The following SLC25A48 variants were observed in gnomAD, a reference collection of about 807,000 sequenced individuals.
SLC25A48 encodes the protein CTC-321K16.1.
A neutral mutation model predicts 32.2 loss-of-function variants in SLC25A48; 29 were observed. The ratio of observed to expected loss-of-function variants is 0.90; its 90% CI spans 0.67 to 1.23. The LOEUF is 1.23. Among genes scored for constraint, SLC25A48 ranks in the 50% most tolerant of loss-of-function variants. SLC25A48 has a pLI of 0.00. For missense variants in SLC25A48, 399 were observed against 422.7 expected, an observed-to-expected ratio of 0.94 and a Z score of 0.49; for synonymous variants, 164 against 172.3, an observed-to-expected ratio of 0.95 and a Z score of 0.38.
intron 4 of SLC25A48, among the ~76,000 whole-genome samples, chr5:135,870,417 CA>C (rs1761543673): frequency 6.6e-6 from 1 of 152,162 alleles, no homozygotes; most frequent in Admixed American, 6.5e-5. Flanking sequence ...AGACAAGCAT[CA>C]GAGTGGGAGA....
intron 3 of SLC25A48, among the ~76,000 whole-genome samples, chr5:135,792,714 G>A (rs1311243432): frequency 6.6e-6 from 1 of 151,576 alleles, no homozygotes; most frequent in Non-Finnish European, 1.5e-5. Context: ...AATACTATTT[G>A]TAATATCCTT....
chr5:135,579,949 GT>G (rs1751195956), intron 1 of SLC25A48, among the ~76,000 whole-genome samples: 1 of 152,206 alleles, frequency 6.6e-6, no homozygotes, highest in Non-Finnish European at 1.5e-5. Context: ...TTCATCATCT[GT>G]AAAGTGCAGA....
intron 1 of SLC25A48, among the ~76,000 whole-genome samples, chr5:135,620,723 G>A (rs1419882908): frequency 6.6e-6 from 1 of 152,082 alleles, no homozygotes; most frequent in African/African-American, 2.4e-5. Context: ...TCTTAAAATG[G>A]CATTGTGCTG....
At chr5:135,767,447 A>G (rs896052547) in intron 3 of SLC25A48, among the ~76,000 whole-genome samples, 18 of 151,884 alleles carry the variant, frequency 1.2e-4, no homozygotes, top group African/African-American at 4.1e-4. Flanking sequence ...AAAGGGTAAT[A>G]TTGCTTCTGA....
chr5:135,722,104 A>T (rs1304371984), intron 3 of SLC25A48, among the ~76,000 whole-genome samples: 1 of 152,262 alleles, frequency 6.6e-6, no homozygotes, highest in Non-Finnish European at 1.5e-5. Flanking sequence ...GTTGTCAACA[A>T]TATCAGCAGG....
In SLC25A48 at chr5:135,580,181, G is replaced by T. The variant is rs553164631; in HGVS notation, c.-849+584G>T. Among the ~76,000 whole-genome samples the T allele has an allele frequency of 1.8e-4, 28 of 152,292 alleles. No homozygotes were observed. In the South Asian group the frequency reaches 5.2e-3, roughly 28 times the overall value. Reference sequence around the variant, plus strand: ...TGAGAGAAGAAATAACTTGTCCAAGGTCACAGAGCTAGGAAGCAGGTGACT... The same window carrying T: ...TGAGAGAAGAAATAACTTGTCCAAGTTCACAGAGCTAGGAAGCAGGTGACT... On this transcript the variant is annotated intron_variant, in intron 1 of 10. Coordinates refer to the SLC25A48 transcript ENST00000646290.
At chr5:135,600,008 C>A (rs190008274) in intron 1 of SLC25A48, among the ~76,000 whole-genome samples, 5 of 152,256 alleles carry the variant, frequency 3.3e-5, no homozygotes, top group African/African-American at 9.6e-5. Context: ...TCTACATACT[C>A]CCCCCTCCCT....
intron 4 of SLC25A48, among the ~76,000 whole-genome samples, chr5:135,859,401 C>T (rs1236577214): frequency 6.6e-6 from 1 of 152,180 alleles, no homozygotes; most frequent in Admixed American, 6.5e-5. Flanking sequence ...CCCCATGATT[C>T]AATTACCTCC....
Position 135,850,474 on chromosome 5 carries a change from G to T in SLC25A48, c.140G>T (p.Arg47Leu), listed in dbSNP as rs373533677. The T allele has an allele frequency of 8.7e-5, 141 of 1,614,008 alleles. No individual in the cohort carries two copies. The highest frequency in any genetic ancestry group is 1.2e-4 in the Non-Finnish European group (139 of 1,180,036). The change falls in exon 3 of 8, where the codon CGC (arginine) becomes CTC (leucine). Residue 47 changes from arginine to leucine, a missense_variant. By Grantham distance (102) the Arg-to-Leu change is moderately radical. Coordinates refer to ENST00000681962, the MANE Select transcript of SLC25A48 (RefSeq NM_001349336.2). ...VGYGNTLSCI[R>L]VVYRRESMFG... ...TACGGAAACACCCTCAGCTGCATCCGCGTGGTGTACAGGAGGGAGAGTGTA... is the reference window on the plus strand; with the variant it reads ...TACGGAAACACCCTCAGCTGCATCCTCGTGGTGTACAGGAGGGAGAGTGTA...
rs368069756 is a variant in SLC25A48, at chr5:135,708,610, TC to T, written c.-521+73657del. 4.6e-3 allele frequency among the ~76,000 whole-genome samples: 700 copies of T among 152,284 alleles called. 8 individuals are homozygous for T. Among genetic ancestry groups the T allele is most frequent in the African/African-American group, 0.016 (665 of 41,548 alleles). ...CGGTCAGGCAGAGATGACCCAGCTA[TC>T]CCAGGGCAACCCTGGACCACAGCTG... On this transcript the variant is annotated intron_variant, in intron 3 of 10. Coordinates refer to the SLC25A48 transcript ENST00000646290.
At chr5:135,619,579 T>C (rs1022100618) in intron 1 of SLC25A48, among the ~76,000 whole-genome samples, 1 of 152,216 alleles carries the variant, frequency 6.6e-6, no homozygotes, top group Non-Finnish European at 1.5e-5. Flanking sequence ...TGCCCTTATG[T>C]TGATATCTGC....
At chr5:135,779,050 T>C (rs1756651603) in intron 3 of SLC25A48, among the ~76,000 whole-genome samples, 1 of 151,882 alleles carries the variant, frequency 6.6e-6, no homozygotes, top group African/African-American at 2.4e-5. Flanking sequence ...TTACTTCCAA[T>C]ATCACAGTAG....
At chr5:135,727,690 GT>G (rs1337502979) in intron 3 of SLC25A48, among the ~76,000 whole-genome samples, 5 of 152,056 alleles carry the variant, frequency 3.3e-5, no homozygotes, top group African/African-American at 1.2e-4. Flanking sequence ...TGTGTTTGTA[GT>G]TTTATCAAAA....
chr5:135,836,765 C>T (rs1033485868), intron 1 of SLC25A48, among the ~76,000 whole-genome samples: 24 of 152,044 alleles, frequency 1.6e-4, no homozygotes, highest in Non-Finnish European at 5.9e-5. Flanking sequence ...AGGTAGGTAC[C>T]GTTGCATCCT....
At chr5:135,862,458 GA>G (rs1760873896) in intron 4 of SLC25A48, among the ~76,000 whole-genome samples, 1 of 152,200 alleles carries the variant, frequency 6.6e-6, no homozygotes, top group African/African-American at 2.4e-5. Flanking sequence ...AATTCACTGT[GA>G]ACTGTTCATT....
chr5:135,871,929 C>T (rs1761689887), intron 5 of SLC25A48: 1 of 1,459,318 alleles, frequency 6.9e-7, no homozygotes, highest in Non-Finnish European at 9.1e-7. Flanking sequence ...TGGCAGTTCC[C>T]ATTTGACTTT....
At chr5:135,609,318 C>CAGGAATACA (rs1323782102) in intron 1 of SLC25A48, 2 of 152,176 alleles carry the variant, frequency 1.3e-5, no homozygotes, top group Admixed American at 6.5e-5. Context: ...TGGAGGGTGC[C>CAGGAATACA]AGGAATACAA....
intron 3 of SLC25A48, among the ~76,000 whole-genome samples, chr5:135,749,792 A>G (rs1241119886): frequency 6.6e-6 from 1 of 152,018 alleles, no homozygotes; most frequent in African/African-American, 2.4e-5. Context: ...GGGTTTCACT[A>G]TATTGGCCAG....
At chr5:135,842,498 G>A (rs1759091864) in intron 2 of SLC25A48, 39 bp downstream of exon 2, 1 of 1,591,572 alleles carries the variant, frequency 6.3e-7, no homozygotes, top group Admixed American at 1.7e-5. Context: ...TTAAAAAGAG[G>A]CATGGAGCTG....
Sources: gnomAD v4.1 joint callset for allele counts (sites outside exome capture counted in the v4.1 genomes callset) on GRCh38, gnomAD v4.1.1 for gene constraint, MANE v1.5 for transcripts, NCBI Gene and HGNC (gene_info 2026-07-23, HGNC 2026-07-21) for gene names.